The following GLT8D2 variants were observed in gnomAD, a reference collection of about 807,000 sequenced individuals.
GLT8D2 encodes the protein glycosyltransferase 8 domain-containing protein 2.
GLT8D2 carries 45 observed loss-of-function variants against 44.5 expected under a neutral mutation model. The ratio of observed to expected loss-of-function variants is 1.01; its 90% CI spans 0.80 to 1.30. The LOEUF is 1.30. Among genes scored for constraint, GLT8D2 ranks in the 50% most tolerant of loss-of-function variants. The pLI, the probability that GLT8D2 is intolerant of heterozygous loss-of-function variation, is 0.00. For missense variants in GLT8D2, 400 were observed against 430.4 expected (o/e 0.93, Z 0.62); for synonymous variants, 156 against 157.2 (o/e 0.99, Z 0.06).
chr12:104,063,631 T>C (rs772298512), intron 1 of GLT8D2, among the ~76,000 whole-genome samples: 22 of 152,178 alleles, frequency 1.4e-4, no homozygotes, highest in Non-Finnish European at 2.8e-4. Context: ...AGAGGCAGTA[T>C]GGTATATGAT....
intron 3 of GLT8D2, 79 bp downstream of exon 3, chr12:104,019,551 A>C: frequency 8.7e-7 from 1 of 1,144,040 alleles, no homozygotes; most frequent in Non-Finnish European, 1.3e-6. Context: ...AAGAAAGAAG[A>C]AAAGAGCCAA....
intron 10 of GLT8D2, among the ~76,000 whole-genome samples, chr12:103,990,212 T>C (rs1872587650): frequency 6.6e-6 from 1 of 150,990 alleles, no homozygotes; most frequent in African/African-American, 2.4e-5. Context: ...ATTGCCGCAT[T>C]GTCCCCCAAG....
intron 4 of GLT8D2, among the ~76,000 whole-genome samples, chr12:104,004,936 C>A (rs1187453430): frequency 6.6e-6 from 1 of 152,090 alleles, no homozygotes; most frequent in East Asian, 1.9e-4. Flanking sequence ...CAATCCTAAG[C>A]CAAAAGAACA....
chr12:104,043,241 C>T (rs895357073), intron 1 of GLT8D2, among the ~76,000 whole-genome samples: 3 of 152,138 alleles, frequency 2.0e-5, no homozygotes, highest in Non-Finnish European at 2.9e-5. Flanking sequence ...AAACTCCCTC[C>T]TTAGGAGACT....
chr12:103,995,016 C>G (rs879344599), intron 8 of GLT8D2, among the ~76,000 whole-genome samples: 1 of 152,094 alleles, frequency 6.6e-6, no homozygotes, highest in Admixed American at 6.5e-5. Context: ...TTTTTTCTCA[C>G]TCTCTTCTCA....
chr12:103,994,788 C>T (rs1249688695), intron 8 of GLT8D2, among the ~76,000 whole-genome samples: 1 of 152,146 alleles, frequency 6.6e-6, no homozygotes, highest in Non-Finnish European at 1.5e-5. Flanking sequence ...TCTGACAGCC[C>T]TGACCTCTCC....
chr12:104,038,184 T>C (rs1331014027), intron 1 of GLT8D2, among the ~76,000 whole-genome samples: 1 of 152,170 alleles, frequency 6.6e-6, no homozygotes, highest in Non-Finnish European at 1.5e-5. Context: ...CCACAGCCAA[T>C]ATCATACTGA....
At chr12:104,019,794 T>C in intron 2 of GLT8D2, 118 bp from the exon 3 acceptor site, 2 of 576,678 alleles carry the variant, frequency 3.5e-6, no homozygotes, top group Non-Finnish European at 5.9e-6. Context: ...TGTGATCATT[T>C]TTTACTGCTC....
At chr12:104,022,569 C>T (rs918970516) in intron 1 of GLT8D2, among the ~76,000 whole-genome samples, 3 of 152,024 alleles carry the variant, frequency 2.0e-5, no homozygotes, top group Non-Finnish European at 4.4e-5. Flanking sequence ...TTATATTGAA[C>T]ATATTTAATA....
rs1566202271 is a variant in GLT8D2 at position 104,021,915 on chromosome 12, GAAGAAGAAGAA to G, written c.-163-435_-163-425del. Among the ~76,000 whole-genome samples, 126 of 18,906 alleles carry G rather than the reference GAAGAAGAAGAA, an allele frequency of 6.7e-3. 5 individuals carry two copies. The highest frequency in any genetic ancestry group is 0.062 in the East Asian group (23 of 370). 12.4% of individuals were successfully genotyped at this position (18,906 alleles called of 152,430 possible). On this transcript the variant is annotated intron_variant, in intron 1 of 10. Coordinates refer to ENST00000360814, the MANE Select transcript of GLT8D2 (RefSeq NM_001384711.1). The stretch of plus-strand genomic sequence containing the variant: ...AGAAGAAGAAGAAGAAGAAGAAGAA[GAAGAAGAAGAA>G]GAAGAAGAAGAAGAAGAAGAAGAAG...
At chr12:104,033,916 C>T (rs1376686146) in intron 1 of GLT8D2, among the ~76,000 whole-genome samples, 3 of 151,766 alleles carry the variant, frequency 2.0e-5, no homozygotes, top group Non-Finnish European at 4.4e-5. Flanking sequence ...CTCCTGGGTT[C>T]TATCAATCCT....
At chr12:104,010,216 C>G (rs994769702) in intron 4 of GLT8D2, among the ~76,000 whole-genome samples, 3 of 152,036 alleles carry the variant, frequency 2.0e-5, no homozygotes, top group African/African-American at 7.2e-5. Flanking sequence ...CACACAAGAC[C>G]CCTCATGATC....
intron 1 of GLT8D2, among the ~76,000 whole-genome samples, chr12:104,033,057 T>A (rs377066084): frequency 6.6e-6 from 1 of 152,076 alleles, no homozygotes; most frequent in Admixed American, 6.6e-5. Flanking sequence ...TTTTTGTATA[T>A]TTTTAGTAGA....
chr12:104,029,029 C>T (rs1355202746), intron 1 of GLT8D2, among the ~76,000 whole-genome samples: 1 of 152,070 alleles, frequency 6.6e-6, no homozygotes, highest in African/African-American at 2.4e-5. Context: ...CAGTGGCTCA[C>T]GCCTGTAATC....
At chr12:104,052,311 T>C (rs960476492), upstream of GLT8D2, among the ~76,000 whole-genome samples, 1 of 152,208 alleles carries the variant, frequency 6.6e-6, no homozygotes, top group East Asian at 1.9e-4. Flanking sequence ...ACTTTGAATA[T>C]AGCCAAAGCA....
intron 1 of GLT8D2, among the ~76,000 whole-genome samples, chr12:104,023,299 A>T (rs1453415464): frequency 6.6e-6 from 1 of 152,184 alleles, no homozygotes; most frequent in African/African-American, 2.4e-5. Context: ...AAAATAAAAT[A>T]AAATTTTAAA....
chr12:104,057,181 A>C (rs1454961232), intron 1 of GLT8D2, among the ~76,000 whole-genome samples: 1 of 152,202 alleles, frequency 6.6e-6, no homozygotes, highest in Non-Finnish European at 1.5e-5. Context: ...ATGGGCAAAA[A>C]ATTCACATTA....
chr12:104,053,943 A>C (rs1193050190), upstream of GLT8D2, among the ~76,000 whole-genome samples: 5 of 152,162 alleles, frequency 3.3e-5, no homozygotes, highest in Admixed American at 3.3e-4. Flanking sequence ...ATTTTATTGA[A>C]TAATATATAA....
intron 1 of GLT8D2, among the ~76,000 whole-genome samples, chr12:104,046,215 G>A (rs967785957): frequency 6.6e-5 from 10 of 152,286 alleles, no homozygotes; most frequent in African/African-American, 9.6e-5. Context: ...TGTGTAAAAC[G>A]GGATAGTTCT....
Sources: allele counts gnomAD v4.1 joint callset (sites outside exome capture counted in the v4.1 genomes callset), GRCh38; gene constraint gnomAD v4.1.1; transcripts MANE v1.5; gene names NCBI Gene and HGNC (gene_info 2026-07-23, HGNC 2026-07-21).